The following PCA3 variants were observed in gnomAD, a reference collection of about 807,000 sequenced individuals.
PCA3 encodes the protein Differential Display code 3.
chr9:76,766,790 T>C (rs187783427), intron 2 of PCA3, among the ~76,000 whole-genome samples: 335 of 152,304 alleles, frequency 2.2e-3, no homozygotes, highest in African/African-American at 7.7e-3. Context: ...TCTTATCACA[T>C]AGGGAGTCCA....
intron 2 of PCA3, among the ~76,000 whole-genome samples, chr9:76,774,459 T>TTATTTATTTATTTATTTTTA (rs2053502173): frequency 3.6e-5 from 5 of 139,036 alleles, no homozygotes; most frequent in Non-Finnish European, 7.9e-5. Context: ...CCTTTTTTTT[T>TTATTTATTTATTTATTTTTA]TTTTTTTTTT....
chr9:76,782,688 A>G (rs2054548351), intron 2 of PCA3: 1 of 152,216 alleles, frequency 6.6e-6, no homozygotes, highest in Non-Finnish European at 1.5e-5. Context: ...ACATATACTT[A>G]GTGTTTCAAT....
At chr9:76,774,768 A>G (rs546753973) in intron 2 of PCA3, among the ~76,000 whole-genome samples, 1 of 152,250 alleles carries the variant, frequency 6.6e-6, no homozygotes, top group South Asian at 2.1e-4. Flanking sequence ...CCAATTCTTT[A>G]AACCAGAATA....
intron 2 of PCA3, among the ~76,000 whole-genome samples, chr9:76,777,116 G>A (rs1350316541): frequency 6.6e-6 from 1 of 152,060 alleles, no homozygotes; most frequent in Non-Finnish European, 1.5e-5. Context: ...ATTGCTGAGA[G>A]ATGATGTTGT....
chr9:76,768,408 G>C (rs1194267366), intron 2 of PCA3, among the ~76,000 whole-genome samples: 1 of 152,028 alleles, frequency 6.6e-6, no homozygotes, highest in Admixed American at 6.6e-5. Context: ...GGCCAAGCTG[G>C]TCTCAAACTC....
At chr9:76,780,870 G>T (rs972160343) in intron 2 of PCA3, among the ~76,000 whole-genome samples, 2 of 152,122 alleles carry the variant, frequency 1.3e-5, no homozygotes, top group Non-Finnish European at 2.9e-5. Context: ...CCAGGACCAC[G>T]CAGGCTACGC....
chr9:76,778,762 A>G (rs542806296), intron 2 of PCA3: 12 of 152,236 alleles, frequency 7.9e-5, no homozygotes, highest in Admixed American at 2.6e-4. Context: ...TGCCTAGAAC[A>G]ATGCCCAGAT....
chr9:76,773,611 T>G (rs1290413174), intron 2 of PCA3, among the ~76,000 whole-genome samples: 2 of 152,042 alleles, frequency 1.3e-5, no homozygotes, highest in African/African-American at 2.4e-5. Context: ...GCCAGGCTAA[T>G]TTTTGTACTT....
intron 2 of PCA3, among the ~76,000 whole-genome samples, chr9:76,764,895 C>T (rs1322536809): frequency 1.3e-5 from 2 of 152,132 alleles, no homozygotes; most frequent in Non-Finnish European, 2.9e-5. Context: ...ACCCCAATGT[C>T]TACAACAGAC....
intron 2 of PCA3, among the ~76,000 whole-genome samples, chr9:76,774,458 T>TTTATTTATTTA (rs2053499577): frequency 9.0e-5 from 3 of 33,290 alleles, no homozygotes; most frequent in East Asian, 1.8e-3. Flanking sequence ...CCCTTTTTTT[T>TTTATTTATTTA]TTTTTTTTTT....
chr9:76,767,666 C>T (rs985179125), intron 2 of PCA3, among the ~76,000 whole-genome samples: 7 of 152,142 alleles, frequency 4.6e-5, no homozygotes, highest in Non-Finnish European at 7.3e-5. Flanking sequence ...ACAGGAGGCA[C>T]CTTAAAGCCT....
At chr9:76,773,898 T>C (rs558847749) in intron 2 of PCA3, among the ~76,000 whole-genome samples, 4 of 152,112 alleles carry the variant, frequency 2.6e-5, no homozygotes, top group South Asian at 2.1e-4. Context: ...TGGAAAGTAA[T>C]TGATGGAATA....
chr9:76,784,482 C>A (rs911667368), intron 2 of PCA3: 11 of 152,216 alleles, frequency 7.2e-5, no homozygotes, highest in African/African-American at 2.4e-4. Context: ...ATAACCAAAT[C>A]ATTTCATATT....
intron 2 of PCA3, among the ~76,000 whole-genome samples, chr9:76,779,388 C>A (rs1342954440): frequency 6.6e-6 from 1 of 152,228 alleles, no homozygotes; most frequent in South Asian, 2.1e-4. Context: ...CCAAAGCCAA[C>A]GTCGAATTTT....
intron 2 of PCA3, among the ~76,000 whole-genome samples, chr9:76,768,636 G>C (rs569022267): frequency 2.7e-5 from 4 of 148,226 alleles, no homozygotes; most frequent in Non-Finnish European, 5.9e-5. Flanking sequence ...TATCCCTGCT[G>C]ACTAGATCAT....
intron 2 of PCA3, among the ~76,000 whole-genome samples, chr9:76,773,787 C>T (rs2053393711): frequency 6.6e-6 from 1 of 152,038 alleles, no homozygotes; most frequent in Non-Finnish European, 1.5e-5. Flanking sequence ...ATGTTTTTTT[C>T]CCTGTTCTAT....
At chr9:76,776,904 ACACACACAC>A (rs1470068584) in intron 2 of PCA3, among the ~76,000 whole-genome samples, 1 of 74,404 alleles carries the variant, frequency 1.3e-5, no homozygotes, top group Non-Finnish European at 2.6e-5. Flanking sequence ...ACACACACAC[ACACACACAC>A]ACACACACAC....
At chr9:76,768,583 ATG>A (rs55793596) in intron 2 of PCA3, among the ~76,000 whole-genome samples, 30,560 of 102,832 alleles carry the variant, frequency 0.3, 3,301 homozygotes, top group African/African-American at 0.34. Flanking sequence ...ATGTATATGT[ATG>A]TGTGTGTGTG....
At chr9:76,777,305 T>C (rs2053911881) in intron 2 of PCA3, among the ~76,000 whole-genome samples, 1 of 151,924 alleles carries the variant, frequency 6.6e-6, no homozygotes, top group Admixed American at 6.6e-5. Context: ...TTCTCAACAG[T>C]GGGGAAAAAG....
Sources: allele counts gnomAD v4.1 joint callset (sites outside exome capture counted in the v4.1 genomes callset), GRCh38; gene constraint gnomAD v4.1.1; transcripts MANE v1.5; gene names NCBI Gene and HGNC (gene_info 2026-07-23, HGNC 2026-07-21).